The following COL2A1 variants were observed in gnomAD, a reference collection of about 807,000 sequenced individuals.
COL2A1 encodes the protein collagen type II alpha 1 chain, also known as collagen alpha-1(II) chain.
Under a neutral mutation model 204.5 loss-of-function variants are expected in COL2A1, and 28 were observed. That is an observed-to-expected ratio of 0.14 (90% confidence interval 0.10 to 0.19). COL2A1 has a LOEUF of 0.19. Among genes scored for constraint, COL2A1 ranks in the 10% least tolerant of loss-of-function variants. COL2A1 has a pLI of 1.00. For missense variants in COL2A1, 1,388 were observed against 2,027.5 expected (o/e 0.68, Z 6.06); for synonymous variants, 708 against 718.7 (o/e 0.99, Z 0.24).
At chr12:47,997,264 G>A (rs938382235) in intron 7 of COL2A1, among the ~76,000 whole-genome samples, 4 of 152,170 alleles carry the variant, frequency 2.6e-5, no homozygotes, top group Admixed American at 1.3e-4. Context: ...CAAGGACAGT[G>A]GTCACTCGTC....
At chr12:47,998,237 A>G in intron 3 of COL2A1, 36 bp from the exon 4 acceptor site, 1 of 1,613,950 alleles carries the variant, frequency 6.2e-7, no homozygotes, top group South Asian at 1.1e-5. Context: ...TAAGCCGAGT[A>G]AGCCCACTAA....
In COL2A1 at chr12:47,978,157, A is replaced by G. The variant is rs1938826764; in HGVS notation, c.3004-40T>C. Reference sequence around the variant, plus strand: ...ACAAGGATGATGAGTGCAAGTGGTAAGCACCCCTGCCCAGGGCCCACTGAC... The same window carrying G: ...ACAAGGATGATGAGTGCAAGTGGTAGGCACCCCTGCCCAGGGCCCACTGAC... On this transcript the variant is annotated intron_variant, in intron 43 of 53. Transcript: ENST00000380518. This position sits in a 1 kb window ranked among gnomAD's most constrained non-coding sequence, Gnocchi z 5.5. 1.3e-6 allele frequency: 2 copies of G among 1,595,484 alleles called. No homozygotes were observed. Among genetic ancestry groups the G allele is most frequent in the African/African-American group, 1.3e-5 (1 of 74,550 alleles).
At position 47,976,982 on chromosome 12, in the gene COL2A1, C is replaced by G. The variant is rs1174727145; in HGVS notation, c.3328-63G>C. 6 of 1,537,074 alleles carry G rather than the reference C, an allele frequency of 3.9e-6. No individual in the cohort carries two copies. The highest frequency in any genetic ancestry group is 5.3e-6 in the Non-Finnish European group (6 of 1,127,786). On this transcript the variant is annotated intron_variant, in intron 47 of 53. Transcript: ENST00000380518. The surrounding 1 kb of genome is among the most constrained non-coding windows in gnomAD (Gnocchi z 4.3). ...GCCAGGACAGGAGCCCCCTCCTGTC[C>G]CACCCAAGCTGAGGAATCCCCGGAA...
chr12:48,005,228 G>A (rs1230745451), upstream of COL2A1: 1 of 152,970 alleles, frequency 6.5e-6, no homozygotes, highest in Admixed American at 6.5e-5. Flanking sequence ...AAGGAGACCT[G>A]TGTGAAGGTG....
intron 7 of COL2A1, among the ~76,000 whole-genome samples, chr12:47,997,378 G>A (rs780300915): frequency 8.5e-5 from 13 of 152,202 alleles, no homozygotes; most frequent in Non-Finnish European, 1.9e-4. Context: ...GGTAACTGAG[G>A]ACTTTCTTTA....
rs1939809428 is a variant in COL2A1 at position 47,993,611 on chromosome 12, A to G, written c.925-109T>C. The G allele has an allele frequency of 7.8e-6, 9 of 1,153,016 alleles. No individual in the cohort carries two copies. In the East Asian group the frequency reaches 9.4e-5, roughly 12 times the overall value. The allele number at this position is 1,153,016 out of a possible 1,614,324, so 71.4% of individuals were successfully genotyped here. A position where few individuals can be genotyped will look rare whatever the true frequency, so the allele number is the denominator to read the frequency against. The stretch of plus-strand genomic sequence containing the variant: ...GGTCATCTCAGCTCGCACTGACACA[A>G]ACTTCAGTCCTGTGAGGGACAATGC... On this transcript the variant is annotated intron_variant, in intron 14 of 53. Transcript: ENST00000380518.
intron 50 of COL2A1, 90 bp downstream of exon 50, chr12:47,975,873 T>C: frequency 1.0e-6 from 1 of 986,296 alleles, no homozygotes; most frequent in Non-Finnish European, 1.6e-6. Flanking sequence ...TGCAGGCTGA[T>C]GCCCTAAAAG....
chr12:47,989,308 GAGGTGAATGC>G, intron 17 of COL2A1, 27 bp from the exon 18 acceptor site: 2 of 1,605,950 alleles, frequency 1.2e-6, no homozygotes, highest in Non-Finnish European at 1.7e-6. Context: ...GATGAGAAGA[GAGGTGAATGC>G]CAGTTCTGGC....
intron 33 of COL2A1, 111 bp downstream of exon 33, chr12:47,982,737 C>T: frequency 7.8e-7 from 1 of 1,277,314 alleles, no homozygotes; most frequent in Admixed American, 1.7e-5. Flanking sequence ...ACCTCCTTTC[C>T]AGCTCCCCCC....
rs3216168 is a variant in COL2A1 at position 47,995,212 on chromosome 12, TC to T, written c.762+42del. ...AAGCACACACCCTCTCCAGGCCCTT[TC>T]AAAGGAGGCAGCTCCTCATTTGTCT... is the stretch of plus-strand genomic sequence containing the variant. On this transcript the variant is annotated intron_variant, in intron 11 of 53. Coordinates refer to ENST00000380518, the MANE Select transcript of COL2A1 (RefSeq NM_001844.5). 341,478 of 1,564,796 alleles carry T rather than the reference TC, an allele frequency of 0.22. 38,428 individuals are homozygous for T. Among genetic ancestry groups the T allele is most frequent in the East Asian group, 0.29 (13,020 of 44,718 alleles).
rs1480368696 is a variant in COL2A1, at chr12:47,974,725, T to C, written c.4024A>G (p.Lys1342Glu). The C allele has an allele frequency of 1.9e-6, 3 of 1,614,108 alleles. No individual in the cohort carries two copies. The highest frequency in any genetic ancestry group is 1.7e-5 in the Admixed American group (1 of 60,008). ...PKKNWWSSKS[K>E]EKKHIWFGET... ...CCAAACCAGATGTGTTTCTTCTCCT[T>C]GCTCTTGCTGCTCCACCAGTTCTTC... Residue 1342 changes from lysine (K) to glutamate (E), a missense_variant, in exon 52 of 54, where the codon AAG becomes GAG. Lys to Glu is a moderately conservative substitution (Grantham distance 56). This residue lies in a region of COL2A1 where 303 missense variants were observed against 369.2 expected (regional missense o/e 0.82). Coordinates refer to ENST00000380518, the MANE Select transcript of COL2A1 (RefSeq NM_001844.5).
In COL2A1 at chr12:47,976,776, G is replaced by A. The variant is rs1308856159; in HGVS notation, c.3435+36C>T. The A allele has an allele frequency of 2.4e-5, 37 of 1,574,100 alleles. No homozygotes were observed. The highest frequency in any genetic ancestry group is 3.2e-5 in the Non-Finnish European group (37 of 1,149,760). The stretch of plus-strand genomic sequence containing the variant: ...CTCAAGTGGGCTCTGTGTGGCAGGA[G>A]GCCTCGGGAAGTCCCACGCAGGCAG... On this transcript the variant is annotated intron_variant, in intron 48 of 53. Transcript: ENST00000380518. The surrounding 1 kb of genome is among the most constrained non-coding windows in gnomAD (Gnocchi z 4.3).
intron 14 of COL2A1, 97 bp from the exon 15 acceptor site, chr12:47,993,599 C>T (rs1033878993): frequency 1.0e-5 from 12 of 1,202,288 alleles, no homozygotes; most frequent in African/African-American, 1.5e-5. Flanking sequence ...CATCTCAGCT[C>T]GCACTGACAC....
At position 47,998,055 on chromosome 12, in the gene COL2A1, G is replaced by A; in HGVS notation, c.352C>T (p.Pro118Ser). 6.2e-7 allele frequency: 1 copy of A among 1,614,172 alleles called. No individual in the cohort carries two copies. The highest frequency in any genetic ancestry group is 8.5e-7 in the Non-Finnish European group (1 of 1,180,038). ...EPGDIKDIVG[P>S]KGPPGPQGPA... ...ACCTGAGGCCCAGGAGGTCCTTTGG[G>A]TCCTACAATCTGTGAGAGAGAGCCC... The change falls in exon 5 of 54, where the codon CCC (proline) becomes TCC (serine). Residue 118 changes from proline to serine, a missense_variant. Physicochemically the swap from Pro to Ser is moderately conservative, Grantham distance 74. Around this residue, in one of 3 missense-constraint regions of COL2A1, gnomAD observed 201 missense variants for 242.4 expected, o/e 0.83. Transcript: ENST00000380518.
At chr12:47,993,738 T>A in intron 14 of COL2A1, 71 bp downstream of exon 14, 1 of 1,545,450 alleles carries the variant, frequency 6.5e-7, no homozygotes, top group South Asian at 1.1e-5. Context: ...CCACAGTGTC[T>A]CCCTGGCTAG....
chr12:47,981,970 G>T (rs1399315505), intron 35 of COL2A1, 137 bp downstream of exon 35: 3 of 1,274,978 alleles, frequency 2.4e-6, no homozygotes, highest in Admixed American at 1.7e-5. Flanking sequence ...TAACAGAGAA[G>T]TCCCTGCAGT....
chr12:48,000,247 T>C (rs749271290), intron 1 of COL2A1, 122 bp from the exon 2 acceptor site: 2 of 718,332 alleles, frequency 2.8e-6, no homozygotes, highest in Non-Finnish European at 5.0e-6. Flanking sequence ...GAATGTAGGC[T>C]GGGGCCACCT....
At chr12:47,999,774 T>C (rs780361816) in intron 2 of COL2A1, 145 bp downstream of exon 2, 4 of 689,330 alleles carry the variant, frequency 5.8e-6, no homozygotes, top group Non-Finnish European at 1.0e-5. Flanking sequence ...AAGTGAGAAG[T>C]GGCCTTTCCT....
intron 2 of COL2A1, among the ~76,000 whole-genome samples, chr12:47,999,418 A>G (rs1231990607): frequency 6.6e-6 from 1 of 152,132 alleles, no homozygotes; most frequent in African/African-American, 2.4e-5. Flanking sequence ...GGAAACTACC[A>G]CCAATGTTCC....
Sources: allele counts gnomAD v4.1 joint callset (sites outside exome capture counted in the v4.1 genomes callset), GRCh38; gene constraint gnomAD v4.1.1; regional missense constraint gnomAD v4.1.1; non-coding constraint Gnocchi (gnomAD v3.1); transcripts MANE v1.5; gene names NCBI Gene and HGNC (gene_info 2026-07-23, HGNC 2026-07-21).